PAPPA: variants seen among roughly 807,000 people sequenced by gnomAD.
PAPPA encodes pappalysin 1.
PAPPA carries 60 observed loss-of-function variants against 164.0 expected under a neutral mutation model. The ratio of observed to expected loss-of-function variants is 0.37; its 90% CI spans 0.30 to 0.45. PAPPA has a LOEUF of 0.45. Among genes scored for constraint, PAPPA ranks in the 20% least tolerant of loss-of-function variants. The probability of loss-of-function intolerance (pLI) is 1.00; values close to 1 mark genes in which losing one functional copy is unlikely to be tolerated. For synonymous variants in PAPPA, 875 were observed against 814.1 expected, an observed-to-expected ratio of 1.07 and a Z score of -1.27; for missense variants, 1,782 against 2,087.3, an observed-to-expected ratio of 0.85 and a Z score of 2.85.
At chr9:116,185,475 AT>A (rs1843958966) in intron 1 of PAPPA, among the ~76,000 whole-genome samples, 1 of 152,142 alleles carries the variant, frequency 6.6e-6, no homozygotes, top group Non-Finnish European at 1.5e-5. Context: ...CTCCTTGCTC[AT>A]TTGATGAGCA....
At chr9:116,286,667 A>G (rs557607805) in intron 9 of PAPPA, 1 of 152,254 alleles carries the variant, frequency 6.6e-6, no homozygotes, top group South Asian at 2.1e-4. Flanking sequence ...AAAATTAAAA[A>G]CGTTTAACCA....
intron 7 of PAPPA, among the ~76,000 whole-genome samples, chr9:116,252,532 G>A (rs553516233): frequency 5.9e-5 from 9 of 152,328 alleles, no homozygotes; most frequent in African/African-American, 1.9e-4. Context: ...GCTGGGTCCA[G>A]AAAGAGGGAA....
intron 17 of PAPPA, among the ~76,000 whole-genome samples, chr9:116,354,137 A>G (rs1409084617): frequency 6.6e-6 from 1 of 152,186 alleles, no homozygotes; most frequent in East Asian, 1.9e-4. Context: ...GACTGCAACT[A>G]TATTTAGACA....
chr9:116,242,700 G>A (rs1844750170), intron 7 of PAPPA, among the ~76,000 whole-genome samples: 1 of 152,194 alleles, frequency 6.6e-6, no homozygotes, highest in African/African-American at 2.4e-5. Context: ...CTGAGAAATT[G>A]CCGGTGATAA....
rs1166897534 is a variant in PAPPA, at chr9:116,207,565, A to G, written c.1588A>G (p.Thr530Ala). The change falls in exon 3 of 22, where the codon ACT becomes GCT. Residue 530 changes from threonine (T) to alanine (A), a missense_variant. Coordinates refer to ENST00000328252, the MANE Select transcript of PAPPA (RefSeq NM_002581.5). ...SSEEELAGVA[T>A]WPWDKEALMH... ...AGAGGAGGAGTTGGCAGGAGTAGCA[A>G]CTTGGCCATGGGACAAGGAGGCCCT... The G allele has an allele frequency of 2.5e-6, 4 of 1,613,670 alleles. No homozygotes were observed. Among genetic ancestry groups the G allele is most frequent in the Non-Finnish European group, 1.7e-6 (2 of 1,179,718 alleles).
intron 19 of PAPPA, among the ~76,000 whole-genome samples, chr9:116,371,613 A>AT (rs199701305): frequency 2.3e-4 from 34 of 150,584 alleles, no homozygotes; most frequent in Non-Finnish European, 2.2e-4. Context: ...TTTTATTTTT[A>AT]TTTTTTTTTA....
In PAPPA at chr9:116,400,544, T is replaced by C. The variant is rs1171068107; in HGVS notation, c.*3928T>C. On this transcript the variant is annotated 3_prime_UTR_variant, in exon 22 of 22. Transcript: ENST00000328252. Reference sequence around the variant, plus strand: ...TTTTCACGTTATAAAATGTTTATATTTACCAGTACAGCACTGGGCTTTATA... The same window carrying C: ...TTTTCACGTTATAAAATGTTTATATCTACCAGTACAGCACTGGGCTTTATA... 6.6e-6 allele frequency: 1 copy of C among 152,146 alleles called. No homozygotes were observed. Among genetic ancestry groups the C allele is most frequent in the Non-Finnish European group, 1.5e-5 (1 of 68,032 alleles). The allele number at this position is 152,146 out of a possible 1,614,324, so 9.4% of individuals were successfully genotyped here.
intron 10 of PAPPA, chr9:116,318,230 C>T (rs1845811017): frequency 6.6e-6 from 1 of 152,190 alleles, no homozygotes; most frequent in Admixed American, 6.5e-5. Context: ...CTCCCTCAGC[C>T]TTCAGAGAGC....
chr9:116,321,461 C>A (rs1188741051), intron 10 of PAPPA, among the ~76,000 whole-genome samples: 1 of 152,192 alleles, frequency 6.6e-6, no homozygotes, highest in African/African-American at 2.4e-5. Context: ...ATCTTCTAGG[C>A]CAGTTCTGAG....
chr9:116,231,621 C>A (rs1214295667), intron 6 of PAPPA, among the ~76,000 whole-genome samples: 1 of 151,942 alleles, frequency 6.6e-6, no homozygotes, highest in Non-Finnish European at 1.5e-5. Context: ...ACACACCTGG[C>A]ACTGAATAGT....
chr9:116,191,567 C>A (rs556614966), intron 2 of PAPPA, among the ~76,000 whole-genome samples: 14 of 152,254 alleles, frequency 9.2e-5, no homozygotes, highest in African/African-American at 3.1e-4. Context: ...GGGGCTTCCA[C>A]TTTAGTGGGA....
At chr9:116,299,412 A>T (rs966824937) in intron 9 of PAPPA, among the ~76,000 whole-genome samples, 1 of 152,166 alleles carries the variant, frequency 6.6e-6, no homozygotes, top group Admixed American at 6.5e-5. Context: ...CCTAGCAGAC[A>T]AATTTATTGT....
chr9:116,351,982 T>C (rs1321670972), intron 15 of PAPPA, among the ~76,000 whole-genome samples: 1 of 152,192 alleles, frequency 6.6e-6, no homozygotes, highest in African/African-American at 2.4e-5. Context: ...GCCTCGATAA[T>C]ATATGAGCTG....
intron 21 of PAPPA, among the ~76,000 whole-genome samples, chr9:116,389,809 TG>T (rs1369904804): frequency 6.6e-6 from 1 of 150,612 alleles, no homozygotes; most frequent in Non-Finnish European, 1.5e-5. Flanking sequence ...CTTTGCCTTC[TG>T]TTTTTTTTTT....
chr9:116,386,893 C>T (rs1031454163), intron 21 of PAPPA, among the ~76,000 whole-genome samples: 2 of 152,140 alleles, frequency 1.3e-5, no homozygotes, highest in Non-Finnish European at 2.9e-5. Context: ...ATCCACAGAA[C>T]AGAAGAAAGT....
intron 1 of PAPPA, among the ~76,000 whole-genome samples, chr9:116,174,975 T>C (rs183408620): frequency 6.6e-6 from 1 of 152,278 alleles, no homozygotes; most frequent in Non-Finnish European, 1.5e-5. Flanking sequence ...ACTGGTAGAA[T>C]TTATTTTACC....
At chr9:116,232,044 G>A (rs185746761) in intron 6 of PAPPA, among the ~76,000 whole-genome samples, 13 of 152,116 alleles carry the variant, frequency 8.5e-5, no homozygotes, top group East Asian at 7.8e-4. Flanking sequence ...ATGAGCCACC[G>A]CACCTGGCCA....
Position 116,397,501 on chromosome 9 carries a change from T to G in PAPPA, c.*885T>G, listed in dbSNP as rs1322056987. 6.6e-6 allele frequency: 1 copy of G among 152,630 alleles called. No individual in the cohort carries two copies. Among genetic ancestry groups the G allele is most frequent in the Non-Finnish European group, 1.5e-5 (1 of 68,056 alleles). 9.5% of individuals were successfully genotyped at this position (152,630 alleles called of 1,614,324 possible). ...CTATACATTGAATAATCCAAGATGG[T>G]AGAACTAGGTTAGGAAAAATTCCAC... On this transcript the variant is annotated 3_prime_UTR_variant, in exon 22 of 22. Coordinates refer to ENST00000328252, the MANE Select transcript of PAPPA (RefSeq NM_002581.5).
At chr9:116,333,771 G>GT (rs1366223776) in intron 12 of PAPPA, among the ~76,000 whole-genome samples, 4 of 152,134 alleles carry the variant, frequency 2.6e-5, no homozygotes, top group Non-Finnish European at 4.4e-5. Context: ...CTGAGGAGAG[G>GT]TTTTTTCAGC....
Sources: allele counts gnomAD v4.1 joint callset (sites outside exome capture counted in the v4.1 genomes callset), GRCh38; gene constraint gnomAD v4.1.1; transcripts MANE v1.5; gene names NCBI Gene and HGNC (gene_info 2026-07-23, HGNC 2026-07-21).